Variants in LONP2 observed in about 807,000 individuals in gnomAD.
LONP2 encodes lon protease homolog 2, peroxisomal.
Under a neutral mutation model 85.6 loss-of-function variants are expected in LONP2, and 60 were observed. The ratio of observed to expected loss-of-function variants is 0.70; its 90% CI spans 0.57 to 0.87. The LOEUF is 0.87. Among genes scored for constraint, LONP2 ranks in the 40% least tolerant of loss-of-function variants. LONP2 has a pLI of 0.00. For synonymous variants in LONP2, 395 were observed against 389.7 expected, an observed-to-expected ratio of 1.01 and a Z score of -0.16; for missense variants, 860 against 1,063.5, an observed-to-expected ratio of 0.81 and a Z score of 2.66.
intron 11 of LONP2, among the ~76,000 whole-genome samples, chr16:48,329,010 C>G (rs1959350759): frequency 6.6e-6 from 1 of 152,142 alleles, no homozygotes; most frequent in Admixed American, 6.5e-5. Context: ...TCACCTTGTT[C>G]TAGGCCACTA....
At position 48,269,997 on chromosome 16, in the gene LONP2, C is replaced by A. The variant is rs1451899850; in HGVS notation, c.983-19C>A. ...AAAATTTTATGTGTTCTAATTATTTCTGTTGGGTTATTTGACAGACCGCCT... is the reference window on the plus strand; with the variant it reads ...AAAATTTTATGTGTTCTAATTATTTATGTTGGGTTATTTGACAGACCGCCT... On this transcript the variant is annotated intron_variant, in intron 6 of 14. Coordinates refer to ENST00000285737, the MANE Select transcript of LONP2 (RefSeq NM_031490.5). 6.2e-7 allele frequency: 1 copy of A among 1,600,796 alleles called. No homozygotes were observed. Among genetic ancestry groups the A allele is most frequent in the Admixed American group, 1.8e-5 (1 of 57,114 alleles).
downstream of LONP2, chr16:48,361,958 G>A (rs777184902): frequency 1.9e-6 from 3 of 1,614,084 alleles, no homozygotes; most frequent in East Asian, 2.2e-5. Flanking sequence ...CTCCCTGTAG[G>A]GTTGTAATGG....
At chr16:48,335,388 C>T (rs1314051680) in intron 12 of LONP2, among the ~76,000 whole-genome samples, 1 of 152,182 alleles carries the variant, frequency 6.6e-6, no homozygotes, top group East Asian at 1.9e-4. Context: ...ATCTTTCTCT[C>T]CTAACTGTAC....
At chr16:48,361,544 T>C (rs1251060844), downstream of LONP2, 1 of 1,601,122 alleles carries the variant, frequency 6.2e-7, no homozygotes, top group East Asian at 2.2e-5. Context: ...GAAACTGAAG[T>C]TTTAAACACT....
intron 11 of LONP2, among the ~76,000 whole-genome samples, chr16:48,319,794 A>T (rs777173162): frequency 2.6e-5 from 4 of 152,088 alleles, no homozygotes; most frequent in Non-Finnish European, 5.9e-5. Context: ...GGAGGCACTA[A>T]CTCCATGGGG....
intron 8 of LONP2, among the ~76,000 whole-genome samples, chr16:48,288,012 T>C (rs1351832306): frequency 6.6e-6 from 1 of 152,236 alleles, no homozygotes; most frequent in Admixed American, 6.5e-5. Flanking sequence ...TCAGATGAAA[T>C]ATATCTTCAG....
chr16:48,298,491 C>T (rs985908891), intron 9 of LONP2, among the ~76,000 whole-genome samples: 1 of 150,912 alleles, frequency 6.6e-6, no homozygotes, highest in African/African-American at 2.4e-5. Flanking sequence ...ATATATATAC[C>T]ATCATGTGGA....
Position 48,334,284 on chromosome 16 carries a change from C to T in LONP2, c.1864C>T (p.Pro622Ser). The stretch of plus-strand genomic sequence containing the variant: ...CAGTGACACTACTGACTTGGCTCTA[C>T]CACCTGAAATGCCGATTTTGATTGA... Reference protein sequence around the residue: ...SISDTTDLALPPEMPILIDFH... With the variant: ...SISDTTDLALSPEMPILIDFH... Residue 622 changes from proline (P) to serine (S), a missense_variant, in exon 12 of 15, where the codon CCA becomes TCA. Transcript: ENST00000285737. 1.2e-6 allele frequency: 2 copies of T among 1,613,984 alleles called. No homozygotes were observed. The highest frequency in any genetic ancestry group is 2.2e-5 in the East Asian group (1 of 44,890).
chr16:48,356,713 G>T lies in LONP2; in HGVS notation c.*4911G>T, dbSNP rs775512612. On this transcript the variant is annotated 3_prime_UTR_variant, in exon 15 of 15. Coordinates refer to ENST00000285737, the MANE Select transcript of LONP2 (RefSeq NM_031490.5). ...TGAATAGACAACAGGCAAATATGGT[G>T]AGTGGTCATTGAGATGTTTTAAAAG... 5.4e-5 allele frequency: 20 copies of T among 368,042 alleles called. No homozygotes were observed. Among genetic ancestry groups the T allele is most frequent in the Non-Finnish European group, 9.8e-5 (18 of 183,228 alleles). 22.8% of individuals were successfully genotyped at this position (368,042 alleles called of 1,614,324 possible).
At position 48,347,581 on chromosome 16, in the gene LONP2, C is replaced by T. The variant is rs140625488; in HGVS notation, c.2013C>T (p.Phe671=). 13 of 1,614,242 alleles carry T rather than the reference C, an allele frequency of 8.1e-6. No individual in the cohort carries two copies. The highest frequency in any genetic ancestry group is 6.7e-5 in the Admixed American group (4 of 60,028). The change falls in exon 13 of 15, where the codon TTC becomes TTT. Residue 671 remains phenylalanine, a synonymous_variant. Transcript: ENST00000285737. The part of the protein sequence containing the change: ...AWTPLGGEIM[F]VEASRMDGEG... Reference sequence around the variant, plus strand: ...CTCCCTTAGGTGGAGAAATCATGTTCGTGGAGGCGAGTCGAATGGATGGCG... The same window carrying T: ...CTCCCTTAGGTGGAGAAATCATGTTTGTGGAGGCGAGTCGAATGGATGGCG...
chr16:48,301,567 G>A (rs1216879727), intron 10 of LONP2, among the ~76,000 whole-genome samples: 1 of 151,978 alleles, frequency 6.6e-6, no homozygotes, highest in African/African-American at 2.4e-5. Context: ...CCAGGGAGGT[G>A]GAGGTTGCGG....
chr16:48,351,889 T>C lies in LONP2; in HGVS notation c.*87T>C. 1 of 972,480 alleles carries C rather than the reference T, an allele frequency of 1.0e-6. No homozygotes were observed. The highest frequency in any genetic ancestry group is 1.5e-5 in the South Asian group (1 of 67,864). 60.2% of individuals were successfully genotyped at this position (972,480 alleles called of 1,614,324 possible). A position where few individuals can be genotyped will look rare whatever the true frequency, so the allele number is the denominator to read the frequency against. ...GATTTTATTCACACCATTAGGGGTA[T>C]GCAAGATGTCCCTGTTTTATAAACA... On this transcript the variant is annotated 3_prime_UTR_variant, in exon 15 of 15. Coordinates refer to ENST00000285737, the MANE Select transcript of LONP2 (RefSeq NM_031490.5).
intron 2 of LONP2, among the ~76,000 whole-genome samples, chr16:48,254,524 C>T (rs958796830): frequency 3.9e-5 from 6 of 152,002 alleles, no homozygotes; most frequent in South Asian, 2.1e-4. Context: ...CCACCACGCC[C>T]GGCTAACTTT....
At chr16:48,309,483 A>T (rs1481468006) in intron 11 of LONP2, among the ~76,000 whole-genome samples, 4 of 152,230 alleles carry the variant, frequency 2.6e-5, no homozygotes, top group Admixed American at 1.3e-4. Flanking sequence ...ATTCTCATTT[A>T]TAAGTGGAAG....
intron 7 of LONP2, among the ~76,000 whole-genome samples, chr16:48,274,840 A>C (rs2150980500): frequency 6.6e-6 from 1 of 152,310 alleles, no homozygotes; most frequent in South Asian, 2.1e-4. Flanking sequence ...ATTTTCACTT[A>C]ACATTGTAAC....
intron 7 of LONP2, among the ~76,000 whole-genome samples, chr16:48,273,085 A>G (rs1410991409): frequency 1.3e-5 from 2 of 152,176 alleles, no homozygotes; most frequent in East Asian, 3.8e-4. Flanking sequence ...TCACAGTTAG[A>G]GTTCATGAAA....
At chr16:48,255,776 C>T (rs1031362071) in intron 2 of LONP2, among the ~76,000 whole-genome samples, 2 of 152,142 alleles carry the variant, frequency 1.3e-5, no homozygotes, top group Non-Finnish European at 1.5e-5. Flanking sequence ...CCCCTGCACA[C>T]GCTGTCTTGC....
intron 8 of LONP2, among the ~76,000 whole-genome samples, chr16:48,288,830 C>T (rs149199052): frequency 7.9e-5 from 12 of 152,200 alleles, no homozygotes; most frequent in African/African-American, 2.9e-4. Flanking sequence ...GTTAGGGATT[C>T]TGTCAATTTT....
intron 7 of LONP2, 117 bp downstream of exon 7, chr16:48,270,391 C>A: frequency 8.9e-7 from 1 of 1,120,048 alleles, no homozygotes; most frequent in Non-Finnish European, 1.3e-6. Context: ...TGTGTGGTAC[C>A]TTGAATGAAA....
Sources: gnomAD v4.1 joint callset for allele counts (sites outside exome capture counted in the v4.1 genomes callset) on GRCh38, gnomAD v4.1.1 for gene constraint, MANE v1.5 for transcripts, NCBI Gene and HGNC (gene_info 2026-07-23, HGNC 2026-07-21) for gene names.